AGBL1: variants seen among roughly 807,000 people sequenced by gnomAD.
AGBL1 encodes cytosolic carboxypeptidase 4.
A neutral mutation model predicts 118.9 loss-of-function variants in AGBL1; 130 were observed. The observed-to-expected ratio is 1.09, with a 90% confidence interval of 0.95 to 1.26. AGBL1 has a LOEUF of 1.26. Among genes scored for constraint, AGBL1 ranks in the 50% most tolerant of loss-of-function variants. AGBL1 has a pLI of 0.00. For missense variants in AGBL1, 1,584 were observed against 1,298.1 expected, an observed-to-expected ratio of 1.22 and a Z score of -3.38; for synonymous variants, 555 against 478.9, an observed-to-expected ratio of 1.16 and a Z score of -2.08.
At chr15:86,308,431 T>C (rs1342225958) in intron 17 of AGBL1, among the ~76,000 whole-genome samples, 1 of 152,184 alleles carries the variant, frequency 6.6e-6, no homozygotes, top group African/African-American at 2.4e-5. Context: ...AAGAGAGCCC[T>C]CTTCAGAACC....
chr15:86,937,353 A>T lies in AGBL1; in HGVS notation c.3222-50634A>T, dbSNP rs184579994. Among the ~76,000 whole-genome samples, 581 of 152,334 alleles carry T rather than the reference A, an allele frequency of 3.8e-3. 1 individual carries two copies. The highest frequency in any genetic ancestry group is 0.017 in the Middle Eastern group (5 of 294). ...TTTTACTATAAAGACATAAGCACAC[A>T]AATGTTCATTGCAGCACTAGTCACA... is the stretch of plus-strand genomic sequence containing the variant. On this transcript the variant is annotated intron_variant, in intron 23 of 24. Transcript: ENST00000441037.
intron 22 of AGBL1, among the ~76,000 whole-genome samples, chr15:86,706,176 A>G (rs2086446341): frequency 6.6e-6 from 1 of 152,084 alleles, no homozygotes; most frequent in East Asian, 1.9e-4. Context: ...AATTAACTAT[A>G]TATTATATAT....
At chr15:86,976,649 T>C (rs2081178977) in intron 23 of AGBL1, among the ~76,000 whole-genome samples, 1 of 152,142 alleles carries the variant, frequency 6.6e-6, no homozygotes, top group South Asian at 2.1e-4. Context: ...CTTACACTAG[T>C]GAGATGTAAT....
intron 21 of AGBL1, among the ~76,000 whole-genome samples, chr15:86,603,631 G>A (rs535420754): frequency 1.5e-4 from 23 of 152,100 alleles, no homozygotes; most frequent in African/African-American, 3.9e-4. Flanking sequence ...GTATTGAATC[G>A]AATCTCTCAG....
At chr15:86,780,793 G>C (rs1003648454) in intron 22 of AGBL1, among the ~76,000 whole-genome samples, 1 of 151,464 alleles carries the variant, frequency 6.6e-6, no homozygotes, top group Non-Finnish European at 1.5e-5. Context: ...TCTCAATCCC[G>C]AGTAGCTGGG....
chr15:86,325,502 T>G (rs1319335742), intron 17 of AGBL1, among the ~76,000 whole-genome samples: 1 of 152,164 alleles, frequency 6.6e-6, no homozygotes, highest in Admixed American at 6.5e-5. Flanking sequence ...GAATGCAGGT[T>G]TGGCAGGGCC....
intron 3 of AGBL1, among the ~76,000 whole-genome samples, chr15:86,149,212 G>A (rs1460920344): frequency 1.3e-5 from 2 of 152,184 alleles, no homozygotes; most frequent in African/African-American, 4.8e-5. Flanking sequence ...GGAAGAAACT[G>A]CATCAATTAA....
chr15:86,204,825 G>C (rs1426846666), intron 5 of AGBL1, among the ~76,000 whole-genome samples: 5 of 152,054 alleles, frequency 3.3e-5, no homozygotes, highest in Admixed American at 2.6e-4. Context: ...CCTGACCTCA[G>C]GTGATCCACC....
chr15:86,593,648 T>A (rs767199417), intron 21 of AGBL1, among the ~76,000 whole-genome samples: 11 of 152,184 alleles, frequency 7.2e-5, no homozygotes, highest in Non-Finnish European at 1.6e-4. Context: ...CCACTTTACA[T>A]GTACTGTTTG....
At position 86,234,605 on chromosome 15, in the gene AGBL1, C is replaced by T. The variant is rs1031756175; in HGVS notation, c.526+9654C>T. 6.0e-5 allele frequency among the ~76,000 whole-genome samples: 9 copies of T among 149,998 alleles called. No individual in the cohort carries two copies. The East Asian group carries it at 1.4e-3, about 23-fold the overall frequency. On this transcript the variant is annotated intron_variant, in intron 6 of 22. Transcript: ENST00000614907. The stretch of plus-strand genomic sequence containing the variant: ...GTCACAGTGGAGAATAGCACTTGCT[C>T]AGTGGTCACTGTGCAGGCTCTGGAA...
chr15:86,227,805 T>C (rs74025028), intron 6 of AGBL1, among the ~76,000 whole-genome samples: 2,997 of 152,336 alleles, frequency 0.02, 97 homozygotes, highest in African/African-American at 0.068. Flanking sequence ...CAGAATGTCA[T>C]TGTGAGCATT....
chr15:87,010,601 C>T (rs544838041), intron 24 of AGBL1, among the ~76,000 whole-genome samples: 1 of 152,210 alleles, frequency 6.6e-6, no homozygotes, highest in Non-Finnish European at 1.5e-5. Flanking sequence ...CTTTGAACTT[C>T]ACAACTTGCG....
Position 86,911,321 on chromosome 15 carries a change from T to A in AGBL1, c.*4027T>A, listed in dbSNP as rs1266805227. The A allele has an allele frequency of 6.6e-6, 1 of 152,296 alleles. No individual in the cohort carries two copies. The highest frequency in any genetic ancestry group is 2.4e-5 in the African/African-American group (1 of 41,426). 9.4% of individuals were successfully genotyped at this position (152,296 alleles called of 1,614,324 possible). A position where few individuals can be genotyped will look rare whatever the true frequency, so the allele number is the denominator to read the frequency against. ...GGGCAAAGGTTGGGAGCTTTCTGAT[T>A]TCACCTTTAAGATAGTCCCATTGTT... On this transcript the variant is annotated 3_prime_UTR_variant, in exon 23 of 23. Coordinates refer to ENST00000614907, the MANE Select transcript of AGBL1 (RefSeq NM_001386094.1).
intron 17 of AGBL1, among the ~76,000 whole-genome samples, chr15:86,367,129 A>G (rs776816660): frequency 2.6e-5 from 4 of 152,330 alleles, no homozygotes; most frequent in African/African-American, 7.2e-5. Flanking sequence ...ACAAAACCCA[A>G]TTGAAAATGG....
intron 17 of AGBL1, among the ~76,000 whole-genome samples, chr15:86,391,655 T>C: frequency 6.9e-6 from 1 of 144,698 alleles, no homozygotes; most frequent in African/African-American, 2.6e-5. Flanking sequence ...TTTTTTTTTT[T>C]TTTTTTTTTT....
chr15:86,638,443 C>T (rs1483396413), intron 21 of AGBL1, among the ~76,000 whole-genome samples: 1 of 152,178 alleles, frequency 6.6e-6, no homozygotes. Context: ...TTCAGGCTGC[C>T]ATCATATTAT....
intron 22 of AGBL1, among the ~76,000 whole-genome samples, chr15:86,716,606 G>A (rs984075499): frequency 2.6e-5 from 4 of 152,140 alleles, no homozygotes; most frequent in African/African-American, 9.7e-5. Context: ...AAAGCTCACG[G>A]CTATCTCCAG....
At chr15:86,926,328 C>T (rs2080539370) in intron 23 of AGBL1, among the ~76,000 whole-genome samples, 1 of 152,182 alleles carries the variant, frequency 6.6e-6, no homozygotes, top group Non-Finnish European at 1.5e-5. Flanking sequence ...AAATGAATGC[C>T]ATTCGTTCTG....
intron 23 of AGBL1, among the ~76,000 whole-genome samples, chr15:86,949,711 T>TA (rs1027104574): frequency 1.3e-5 from 2 of 151,794 alleles, no homozygotes; most frequent in African/African-American, 4.8e-5. Context: ...AAGAAAAGAG[T>TA]AAAAAAGGTT....
Sources: allele counts gnomAD v4.1 joint callset (sites outside exome capture counted in the v4.1 genomes callset), GRCh38; gene constraint gnomAD v4.1.1; transcripts MANE v1.5; gene names NCBI Gene and HGNC (gene_info 2026-07-23, HGNC 2026-07-21).